The following COLEC12 variants were observed in gnomAD, a reference collection of about 807,000 sequenced individuals.
COLEC12 encodes collectin subfamily member 12.
Under a neutral mutation model 71.1 loss-of-function variants are expected in COLEC12, and 33 were observed. That is an observed-to-expected ratio of 0.46 (90% CI 0.35 to 0.62). The LOEUF (loss-of-function observed/expected upper bound fraction) is 0.62, where lower values mean the gene tolerates loss of function less well. COLEC12 is among the 20% of genes least tolerant of loss of function. The probability of loss-of-function intolerance (pLI) is 0.00; values close to 1 mark genes in which losing one functional copy is unlikely to be tolerated. For synonymous variants in COLEC12, 350 were observed against 353.0 expected, an observed-to-expected ratio of 0.99 and a Z score of 0.10; for missense variants, 765 against 916.1, an observed-to-expected ratio of 0.84 and a Z score of 2.13.
chr18:460,037 GAGGAAAAAAA>G (rs1472479577), intron 2 of COLEC12, among the ~76,000 whole-genome samples: 2 of 146,024 alleles, frequency 1.4e-5, no homozygotes, highest in Non-Finnish European at 3.0e-5. Flanking sequence ...GAACTCATCA[GAGGAAAAAAA>G]AGGAAAAAAG....
chr18:377,521 T>C (rs1388590337), intron 2 of COLEC12, among the ~76,000 whole-genome samples: 1 of 152,176 alleles, frequency 6.6e-6, no homozygotes, highest in Non-Finnish European at 1.5e-5. Flanking sequence ...TTCTCGCCCC[T>C]TCCAGCAATG....
At position 346,714 on chromosome 18, in the gene COLEC12, A is replaced by G. The variant is rs147546703; in HGVS notation, c.908T>C (p.Ile303Thr). ...CAGGTTCTGCTCGTTGGCTTGAGAG[A>G]TAGTGGTGATGTTCTCCATCTGACC... Reference protein sequence around the residue: ...FTGQMENITTISQANEQNLKD... With the variant: ...FTGQMENITTTSQANEQNLKD... Residue 303 changes from isoleucine to threonine, a missense_variant, in exon 5 of 10, where the codon ATC becomes ACC. Physicochemically the swap from Ile to Thr is moderately conservative, Grantham distance 89 (BLOSUM62 -1). Coordinates refer to ENST00000400256, the MANE Select transcript of COLEC12 (RefSeq NM_130386.3). This position sits in a 1 kb window ranked among gnomAD's most constrained non-coding sequence, Gnocchi z 4.0. 9.8e-4 allele frequency: 1,581 copies of G among 1,613,918 alleles called. 1 individual carries two copies. Among genetic ancestry groups the G allele is most frequent in the Non-Finnish European group, 1.2e-3 (1,473 of 1,180,010 alleles).
rs531359445 is a variant in COLEC12, at chr18:362,666, C to T, written c.59-5144G>A. On this transcript the variant is annotated intron_variant, in intron 2 of 9. Transcript: ENST00000400256. This position sits in a 1 kb window ranked among gnomAD's most constrained non-coding sequence, Gnocchi z 4.6. ...AGAGATTTCAGTTCAGGAAGTGAAG[C>T]AGTGCTGCCCCTCACCATTAAGAGA... Among the ~76,000 whole-genome samples the T allele has an allele frequency of 6.6e-6, 1 of 152,232 alleles. No homozygotes were observed. Among genetic ancestry groups the T allele is most frequent in the East Asian group, 1.9e-4 (1 of 5,170 alleles).
intron 1 of COLEC12, among the ~76,000 whole-genome samples, chr18:490,944 G>A (rs576901548): frequency 5.6e-4 from 85 of 152,350 alleles, no homozygotes; most frequent in Non-Finnish European, 1.0e-3. Context: ...TTGCTCTATC[G>A]TGTTTAGACC....
chr18:488,871 T>C (rs1917568490), intron 1 of COLEC12, among the ~76,000 whole-genome samples: 1 of 113,340 alleles, frequency 8.8e-6, no homozygotes, highest in Admixed American at 1.1e-4. Context: ...AGACTCTGTT[T>C]CAAAAAAAAG....
chr18:368,746 G>A (rs1227146474), intron 2 of COLEC12, among the ~76,000 whole-genome samples: 11 of 152,068 alleles, frequency 7.2e-5, no homozygotes, highest in Non-Finnish European at 1.2e-4. Flanking sequence ...GGCGCCTGTA[G>A]TCCCAGCTAC....
At chr18:423,392 T>C (rs747621614) in intron 2 of COLEC12, among the ~76,000 whole-genome samples, 16 of 152,232 alleles carry the variant, frequency 1.1e-4, no homozygotes, top group Non-Finnish European at 2.2e-4. Flanking sequence ...AGGATTAAAA[T>C]TAAAATATGT....
chr18:448,480 A>G (rs549267422), intron 2 of COLEC12, among the ~76,000 whole-genome samples: 1 of 152,344 alleles, frequency 6.6e-6, no homozygotes, highest in Non-Finnish European at 1.5e-5. Flanking sequence ...TTATATAAAA[A>G]CAAATTAACT....
intron 8 of COLEC12, among the ~76,000 whole-genome samples, chr18:331,412 G>A (rs1567874643): frequency 1.3e-5 from 2 of 152,078 alleles, no homozygotes. Flanking sequence ...GGTTTTATGA[G>A]TTTCATGATT....
intron 2 of COLEC12, among the ~76,000 whole-genome samples, chr18:411,214 G>A (rs917762587): frequency 6.6e-6 from 1 of 152,172 alleles, no homozygotes; most frequent in Non-Finnish European, 1.5e-5. Context: ...ATGCCTACCC[G>A]TCCCTTGCTG....
intron 5 of COLEC12, among the ~76,000 whole-genome samples, chr18:344,462 G>A (rs1914328709): frequency 6.6e-6 from 1 of 152,140 alleles, no homozygotes; most frequent in South Asian, 2.1e-4. Flanking sequence ...ACAGTACGTG[G>A]TTTCTAGCCC....
At chr18:488,397 C>T (rs1317402570) in intron 1 of COLEC12, among the ~76,000 whole-genome samples, 2 of 151,744 alleles carry the variant, frequency 1.3e-5, no homozygotes, top group African/African-American at 4.8e-5. Flanking sequence ...GGTGACAGAG[C>T]GTGACTCCAT....
intron 2 of COLEC12, among the ~76,000 whole-genome samples, chr18:417,217 C>T (rs748507140): frequency 6.6e-6 from 1 of 152,158 alleles, no homozygotes; most frequent in African/African-American, 2.4e-5. Context: ...CAAACCTATA[C>T]AGCATGCTAC....
intron 2 of COLEC12, among the ~76,000 whole-genome samples, chr18:411,487 GA>G (rs1032615057): frequency 9.9e-5 from 15 of 151,356 alleles, no homozygotes; most frequent in Non-Finnish European, 1.9e-4. Context: ...CAAACAAAGA[GA>G]AAAAAAAGCC....
Position 480,611 on chromosome 18 carries a change from G to A in COLEC12, c.58+96C>T. On this transcript the variant is annotated intron_variant, in intron 2 of 9. Coordinates refer to ENST00000400256, the MANE Select transcript of COLEC12 (RefSeq NM_130386.3). This position sits in a 1 kb window ranked among gnomAD's most constrained non-coding sequence, Gnocchi z 4.1. The stretch of plus-strand genomic sequence containing the variant: ...CAGAGCCACAAACACCCATGTGCAT[G>A]AAGGGCCTGCCAGTGGCCTGCCAAT... The A allele has an allele frequency of 1.8e-6, 2 of 1,087,814 alleles. No individual in the cohort carries two copies. The highest frequency in any genetic ancestry group is 2.5e-5 in the South Asian group (2 of 80,240). 67.4% of individuals were successfully genotyped at this position (1,087,814 alleles called of 1,614,324 possible).
intron 2 of COLEC12, among the ~76,000 whole-genome samples, chr18:403,531 G>C (rs1915728108): frequency 6.6e-6 from 1 of 152,194 alleles, no homozygotes; most frequent in African/African-American, 2.4e-5. Context: ...AAGAGCGTGT[G>C]AGACAACGTG....
chr18:448,651 G>A (rs1243923913), intron 2 of COLEC12, among the ~76,000 whole-genome samples: 1 of 152,202 alleles, frequency 6.6e-6, no homozygotes, highest in East Asian at 1.9e-4. Flanking sequence ...TGAATAAAAT[G>A]AGAAGTCTGT....
At chr18:365,652 G>A (rs528140362) in intron 2 of COLEC12, among the ~76,000 whole-genome samples, 204 of 152,134 alleles carry the variant, frequency 1.3e-3, no homozygotes, top group Non-Finnish European at 1.3e-3. Context: ...ATCAGATGGC[G>A]ATTAAAAAAT....
intron 2 of COLEC12, among the ~76,000 whole-genome samples, chr18:359,127 T>G (rs1181139073): frequency 6.6e-6 from 1 of 152,234 alleles, no homozygotes; most frequent in African/African-American, 2.4e-5. Flanking sequence ...TCCCTTGATG[T>G]TTGTTTCAGT....
Sources: allele counts gnomAD v4.1 joint callset (sites outside exome capture counted in the v4.1 genomes callset), GRCh38; gene constraint gnomAD v4.1.1; non-coding constraint Gnocchi (gnomAD v3.1); transcripts MANE v1.5; gene names NCBI Gene and HGNC (gene_info 2026-07-23, HGNC 2026-07-21).